The following ZNF423 variants were observed in gnomAD, a reference collection of about 807,000 sequenced individuals.
ZNF423 encodes the protein zinc finger protein 423.
ZNF423 carries 12 observed loss-of-function variants against 95.8 expected under a neutral mutation model. The ratio of observed to expected loss-of-function variants is 0.13; its 90% CI spans 0.08 to 0.20. The LOEUF (loss-of-function observed/expected upper bound fraction) is 0.20. Among genes scored for constraint, ZNF423 ranks in the 10% least tolerant of loss-of-function variants. The pLI is 1.00. For synonymous variants in ZNF423, 749 were observed against 711.9 expected (o/e 1.05, Z -0.83); for missense variants, 1,316 against 1,737.1 (o/e 0.76, Z 4.31).
chr16:49,528,196 G>C (rs1968691576), intron 5 of ZNF423, among the ~76,000 whole-genome samples: 1 of 152,128 alleles, frequency 6.6e-6, no homozygotes, highest in African/African-American at 2.4e-5. Flanking sequence ...CAAACACCGA[G>C]AGGACAAAGA....
At chr16:49,556,144 C>T (rs1212502122) in intron 5 of ZNF423, among the ~76,000 whole-genome samples, 1 of 152,212 alleles carries the variant, frequency 6.6e-6, no homozygotes, top group Non-Finnish European at 1.5e-5. Flanking sequence ...AGCTTTCCAA[C>T]TGTGGACAGT....
intron 7 of ZNF423, among the ~76,000 whole-genome samples, chr16:49,523,061 C>G (rs1044852540): frequency 6.6e-6 from 1 of 152,192 alleles, no homozygotes; most frequent in African/African-American, 2.4e-5. Context: ...TCAGTTACCA[C>G]AGGCTGGGGA....
chr16:49,629,959 T>C (rs1403065593), intron 4 of ZNF423, among the ~76,000 whole-genome samples: 1 of 152,306 alleles, frequency 6.6e-6, no homozygotes, highest in East Asian at 1.9e-4. Context: ...AAGAAACAAC[T>C]GGAGAAGCTG....
At position 49,639,608 on chromosome 16, in the gene ZNF423, C is replaced by A. The variant is rs1474099759; in HGVS notation, c.302-734G>T. On this transcript the variant is annotated intron_variant, in intron 3 of 7. Coordinates refer to ENST00000563137, the MANE Select transcript of ZNF423 (RefSeq NM_001379286.1). ...CCTTGTTTTCTTTGTTCCCACTGCA[C>A]CCCTGGATTTGCCCCAACCCCACCC... is the stretch of plus-strand genomic sequence containing the variant. Among the ~76,000 whole-genome samples the A allele has an allele frequency of 2.0e-5, 3 of 152,142 alleles. No homozygotes were observed. In the East Asian group the frequency reaches 5.8e-4, roughly 29 times the overall value.
chr16:49,636,703 G>A lies in ZNF423; in HGVS notation c.2473C>T (p.His825Tyr), dbSNP rs1972732884. 1 of 1,614,074 alleles carries A rather than the reference G, an allele frequency of 6.2e-7. No homozygotes were observed. Among genetic ancestry groups the A allele is most frequent in the African/African-American group, 1.3e-5 (1 of 75,050 alleles). Residue 825 changes from histidine to tyrosine, a missense_variant, in exon 4 of 8, where the codon CAC becomes TAC. Physicochemically the swap from His to Tyr is moderately conservative, Grantham distance 83 (BLOSUM62 2). Around this residue, in one of 6 missense-constraint regions of ZNF423, gnomAD observed 620 missense variants for 775.6 expected, o/e 0.80. Coordinates refer to ENST00000563137, the MANE Select transcript of ZNF423 (RefSeq NM_001379286.1). The surrounding 1 kb of genome is among the most constrained non-coding windows in gnomAD (Gnocchi z 8.6). ...TGCTTCTCCAGCAGGATGATGGCGT[G>A]GAAGGCCTTGCTGCAGAACTTACAG... ...YNCKFCSKAF[H>Y]AIILLEKHLR...
intron 5 of ZNF423, among the ~76,000 whole-genome samples, chr16:49,559,245 T>G (rs528182003): frequency 6.6e-6 from 1 of 152,208 alleles, no homozygotes; most frequent in South Asian, 2.1e-4. Flanking sequence ...CCCTGGGATA[T>G]TGCCACTTCC....
At chr16:49,717,921 C>A (rs1321063049) in intron 3 of ZNF423, among the ~76,000 whole-genome samples, 3 of 152,174 alleles carry the variant, frequency 2.0e-5, no homozygotes, top group Admixed American at 6.5e-5. Context: ...CTCATGCACA[C>A]ATTGGCCAGT....
chr16:49,506,931 G>A (rs555705898), intron 7 of ZNF423, among the ~76,000 whole-genome samples: 140 of 152,114 alleles, frequency 9.2e-4, no homozygotes, highest in Non-Finnish European at 1.3e-3. Flanking sequence ...GTGGGTGGAT[G>A]GATAAATGTG....
chr16:49,754,825 T>C (rs1472261978), intron 2 of ZNF423, among the ~76,000 whole-genome samples: 1 of 152,212 alleles, frequency 6.6e-6, no homozygotes, highest in African/African-American at 2.4e-5. Flanking sequence ...GCCAACATTG[T>C]GTACAGAGTG....
At position 49,638,859 on chromosome 16, in the gene ZNF423, G is replaced by C. The variant is rs113358702; in HGVS notation, c.317C>G (p.Pro106Arg). The C allele has an allele frequency of 4.0e-4, 635 of 1,606,590 alleles. No individual in the cohort carries two copies. The highest frequency in any genetic ancestry group is 5.2e-4 in the Non-Finnish European group (609 of 1,175,146). The change falls in exon 4 of 8, where the codon CCA (proline) becomes CGA (arginine). Residue 106 changes from proline to arginine, a missense_variant. Around this residue, in one of 6 missense-constraint regions of ZNF423, gnomAD observed 155 missense variants for 170.8 expected, o/e 0.91. Transcript: ENST00000563137. This position sits in a 1 kb window ranked among gnomAD's most constrained non-coding sequence, Gnocchi z 5.6. ...AGACGAGGCCACCCAGGAGAGTTGT[G>C]GGTCGTCATCACCATCTGCAAGAGA... ...HRCPGDGDDD[P>R]QLSWVASSPS...
chr16:49,847,634 G>A (rs1385282670), intron 1 of ZNF423: 1 of 35,508 alleles, frequency 2.8e-5, no homozygotes, highest in Non-Finnish European at 5.3e-5. Flanking sequence ...GCCCCCCGCC[G>A]AGAGAATGGC....
At chr16:49,663,667 GA>G (rs1186219019) in intron 3 of ZNF423, among the ~76,000 whole-genome samples, 3 of 152,204 alleles carry the variant, frequency 2.0e-5, no homozygotes, top group African/African-American at 7.2e-5. Flanking sequence ...GCAAGCACTT[GA>G]GTGCAAAAAC....
At chr16:49,612,579 C>T (rs963634901) in intron 5 of ZNF423, among the ~76,000 whole-genome samples, 2 of 152,016 alleles carry the variant, frequency 1.3e-5, no homozygotes, top group Admixed American at 1.3e-4. Flanking sequence ...TTTACTTAAT[C>T]GTAGAAGACT....
Position 49,635,965 on chromosome 16 carries a change from G to A in ZNF423, c.3211C>T (p.Leu1071Phe), listed in dbSNP as rs776173484. 2 of 1,598,058 alleles carry A rather than the reference G, an allele frequency of 1.3e-6. No individual in the cohort carries two copies. Among genetic ancestry groups the A allele is most frequent in the Non-Finnish European group, 8.5e-7 (1 of 1,170,870 alleles). Reference protein sequence around the residue: ...SSPNGQGLQKLYKCALCLKEF... With the variant: ...SSPNGQGLQKFYKCALCLKEF... ...TTGAGGCACAGGGCGCACTTGTAGA[G>A]CTTCTGCAGCCCCTGGCCATTGGGG... is the stretch of plus-strand genomic sequence containing the variant. The change falls in exon 4 of 8, where the codon CTC (leucine) becomes TTC (phenylalanine). Residue 1071 changes from leucine (L) to phenylalanine (F), a missense_variant. Physicochemically the swap from Leu to Phe is conservative, Grantham distance 22 (BLOSUM62 0). Coordinates refer to ENST00000563137, the MANE Select transcript of ZNF423 (RefSeq NM_001379286.1). The surrounding 1 kb of genome is among the most constrained non-coding windows in gnomAD (Gnocchi z 4.8).
chr16:49,852,444 GA>G (rs1469770160), intron 1 of ZNF423, among the ~76,000 whole-genome samples: 3 of 152,170 alleles, frequency 2.0e-5, no homozygotes, highest in Non-Finnish European at 4.4e-5. Context: ...GGTGAAAGGG[GA>G]CAGGCCTCCT....
chr16:49,658,126 C>T (rs1017023458), intron 3 of ZNF423, among the ~76,000 whole-genome samples: 5 of 152,232 alleles, frequency 3.3e-5, no homozygotes, highest in African/African-American at 1.2e-4. Flanking sequence ...CATGAACCAC[C>T]AGAAACTGGG....
At chr16:49,539,263 C>T (rs1258508382) in intron 5 of ZNF423, among the ~76,000 whole-genome samples, 3 of 152,176 alleles carry the variant, frequency 2.0e-5, no homozygotes, top group African/African-American at 7.2e-5. Context: ...CCACAGATGC[C>T]ACTCTTCATG....
At position 49,787,228 on chromosome 16, in the gene ZNF423, T is replaced by C. The variant is rs372552440; in HGVS notation, c.100+2259A>G. On this transcript the variant is annotated intron_variant, in intron 2 of 7. Transcript: ENST00000563137. ...CTCAGGGAATAAAAGCTGACTTTAA[T>C]AGCCCAATTCCAATAGAACTGGGAA... 8.6e-5 allele frequency among the ~76,000 whole-genome samples: 13 copies of C among 151,948 alleles called. No homozygotes were observed. The South Asian group carries it at 2.5e-3, about 29-fold the overall frequency.
chr16:49,774,581 C>G (rs1423386582), intron 2 of ZNF423, among the ~76,000 whole-genome samples: 1 of 152,162 alleles, frequency 6.6e-6, no homozygotes, highest in Non-Finnish European at 1.5e-5. Context: ...CCTCAGTTTC[C>G]CTAACTGCAC....
Sources: gnomAD v4.1 joint callset for allele counts (sites outside exome capture counted in the v4.1 genomes callset) on GRCh38, gnomAD v4.1.1 for gene constraint, gnomAD v4.1.1 regional missense constraint, Gnocchi (gnomAD v3.1) non-coding constraint, MANE v1.5 for transcripts, NCBI Gene and HGNC (gene_info 2026-07-23, HGNC 2026-07-21) for gene names.